The following NEXMIF variants were observed in gnomAD, a reference collection of about 807,000 sequenced individuals.
NEXMIF encodes the protein neurite extension and migration factor.
A neutral mutation model predicts 62.1 loss-of-function variants in NEXMIF; 8 were observed. The ratio of observed to expected loss-of-function variants is 0.13; its 90% confidence interval spans 0.08 to 0.23. NEXMIF has a LOEUF of 0.23. NEXMIF is among the 10% of genes least tolerant of loss of function. NEXMIF has a pLI of 1.00. For synonymous variants in NEXMIF, 404 were observed against 416.6 expected (o/e 0.97, Z 0.37); for missense variants, 976 against 1,113.3 (o/e 0.88, Z 1.75).
chrX:74,924,653 C>T (rs1268745783), intron 1 of NEXMIF, among the ~76,000 whole-genome samples: 2 of 113,781 alleles, frequency 1.8e-5, no homozygotes, highest in Non-Finnish European at 3.7e-5. Flanking sequence ...AGAGGCCTTT[C>T]CTAGATTGCA....
chrX:74,862,581 A>G (rs779579469), intron 1 of NEXMIF, among the ~76,000 whole-genome samples: 10 of 111,840 alleles, frequency 8.9e-5, no homozygotes, highest in African/African-American at 2.9e-4. Flanking sequence ...GATCACATAA[A>G]TGAAAGTAAA....
intron 1 of NEXMIF, among the ~76,000 whole-genome samples, chrX:74,819,343 T>C (rs1469108032): frequency 1.8e-5 from 2 of 111,560 alleles, no homozygotes; most frequent in African/African-American, 6.5e-5. Flanking sequence ...TGAGATCTAA[T>C]TAAACTTAAA....
At chrX:74,794,519 C>G (rs779709380) in intron 1 of NEXMIF, among the ~76,000 whole-genome samples, 9 of 112,076 alleles carry the variant, frequency 8.0e-5, no homozygotes, top group African/African-American at 2.6e-4. Flanking sequence ...TCGAGCTTCC[C>G]GGCTGCTTTG....
At chrX:74,750,869 A>G (rs2080139922) in intron 1 of NEXMIF, among the ~76,000 whole-genome samples, 1 of 111,745 alleles carries the variant, frequency 8.9e-6, no homozygotes, top group African/African-American at 3.3e-5. Context: ...TACACTGTAA[A>G]GAATTCTATA....
At chrX:74,923,234 C>G (rs1216188349) in intron 1 of NEXMIF, among the ~76,000 whole-genome samples, 1 of 111,866 alleles carries the variant, frequency 8.9e-6, no homozygotes, top group Non-Finnish European at 1.9e-5. Flanking sequence ...CACCACCACA[C>G]AGTAAATTTT....
chrX:74,899,342 A>C lies in NEXMIF; in HGVS notation c.-48+25541T>G, dbSNP rs182569912. 7.1e-3 allele frequency among the ~76,000 whole-genome samples: 787 copies of C among 111,142 alleles called. 2 individuals are homozygous for C. The highest frequency in any genetic ancestry group is 0.02 in the African/African-American group (606 of 30,651). The stretch of plus-strand genomic sequence containing the variant: ...TACAAAACCCTAAAGATCGTCCCCC[A>C]AAAAAAACTGTTAGAACTGATCAAT... On this transcript the variant is annotated intron_variant, in intron 1 of 3. Coordinates refer to ENST00000055682, the MANE Select transcript of NEXMIF (RefSeq NM_001008537.3).
rs138800016 is a variant in NEXMIF, at chrX:74,745,278, C to T, written c.79+294G>A. On this transcript the variant is annotated intron_variant, in intron 2 of 3. Coordinates refer to ENST00000055682, the MANE Select transcript of NEXMIF (RefSeq NM_001008537.3). ...GATTACAGGCATGAGCCACTGCGCCCGGCCACTCTAGAAGTTCTAAGCCTC... is the reference window on the plus strand; with the variant it reads ...GATTACAGGCATGAGCCACTGCGCCTGGCCACTCTAGAAGTTCTAAGCCTC... 3.7e-3 allele frequency among the ~76,000 whole-genome samples: 412 copies of T among 111,259 alleles called. 5 individuals carry two copies. The highest frequency in any genetic ancestry group is 0.013 in the African/African-American group (388 of 30,639).
At chrX:74,796,735 T>C (rs954170876) in intron 1 of NEXMIF, among the ~76,000 whole-genome samples, 2 of 111,247 alleles carry the variant, frequency 1.8e-5, no homozygotes, top group African/African-American at 6.5e-5. Flanking sequence ...TAAATAAATA[T>C]TAGCCCACAT....
rs1159281777 is a variant in NEXMIF at position 74,794,131 on chromosome X, T to C, written c.-47-48434A>G. Among the ~76,000 whole-genome samples, 6 of 108,104 alleles carry C rather than the reference T, an allele frequency of 5.6e-5. No individual in the cohort carries two copies. In the South Asian group the frequency reaches 2.1e-3, roughly 38 times the overall value. The allele number at this position is 108,104 out of a possible 115,157, so 93.9% of individuals were successfully genotyped here. A position where few individuals can be genotyped will look rare whatever the true frequency, so the allele number is the denominator to read the frequency against. On this transcript the variant is annotated intron_variant, in intron 1 of 3. Coordinates refer to ENST00000055682, the MANE Select transcript of NEXMIF (RefSeq NM_001008537.3). ...TTTATCTACTTTTGGTCTTTGATGA[T>C]GGTGATGTACAGATGGGTTTTTGGT...
chrX:74,806,495 T>C (rs1376406907), intron 1 of NEXMIF, among the ~76,000 whole-genome samples: 1 of 111,665 alleles, frequency 9.0e-6, no homozygotes, highest in African/African-American at 3.3e-5. Flanking sequence ...TCAATATTGG[T>C]TCCTTAATTG....
At chrX:74,806,227 G>A (rs1460744883) in intron 1 of NEXMIF, among the ~76,000 whole-genome samples, 1 of 110,479 alleles carries the variant, frequency 9.1e-6, no homozygotes, top group Non-Finnish European at 1.9e-5. Flanking sequence ...TATCTAAAAA[G>A]TTATTACCTG....
chrX:74,760,173 C>T (rs1306344306), intron 1 of NEXMIF, among the ~76,000 whole-genome samples: 1 of 111,191 alleles, frequency 9.0e-6, no homozygotes, highest in African/African-American at 3.3e-5. Context: ...GTTTGTGTTC[C>T]TGATTTGGCT....
chrX:74,924,682 C>T (rs1297465631), intron 1 of NEXMIF, among the ~76,000 whole-genome samples: 3 of 113,790 alleles, frequency 2.6e-5, no homozygotes, highest in Non-Finnish European at 5.6e-5. Context: ...CAGGGCGAGC[C>T]GGGATCTCTC....
At chrX:74,843,584 T>C (rs1433927263) in intron 1 of NEXMIF, among the ~76,000 whole-genome samples, 3 of 110,356 alleles carry the variant, frequency 2.7e-5, no homozygotes, top group African/African-American at 9.9e-5. Flanking sequence ...ACAGCTAATT[T>C]TTTGTATTTT....
chrX:74,735,087 G>C lies in NEXMIF; in HGVS notation c.*4318C>G, dbSNP rs370739005. ...ATAGGCTTAGTGAATTTTATGATTA[G>C]AAAACAAACCAACCTCACATTAGTT... is the stretch of plus-strand genomic sequence containing the variant. On this transcript the variant is annotated 3_prime_UTR_variant, in exon 4 of 4. Transcript: ENST00000055682. 1 of 111,577 alleles carries C rather than the reference G, an allele frequency of 9.0e-6. No individual in the cohort carries two copies. Among genetic ancestry groups the C allele is most frequent in the East Asian group, 2.8e-4 (1 of 3,579 alleles). The allele number at this position is 111,577 out of a possible 1,213,427, so 9.2% of individuals were successfully genotyped here.
At chrX:74,807,332 G>A (rs2080347948) in intron 1 of NEXMIF, among the ~76,000 whole-genome samples, 1 of 110,383 alleles carries the variant, frequency 9.1e-6, no homozygotes, top group Non-Finnish European at 1.9e-5. Flanking sequence ...CTTTTGTTTT[G>A]GTTTTGAGGG....
At chrX:74,813,522 C>T (rs1020185053) in intron 1 of NEXMIF, among the ~76,000 whole-genome samples, 3 of 111,940 alleles carry the variant, frequency 2.7e-5, no homozygotes, top group African/African-American at 9.7e-5. Flanking sequence ...AAAGTTGAAA[C>T]CAGTGTTCTC....
At position 74,853,857 on chromosome X, in the gene NEXMIF, CA is replaced by C. The variant is rs746304251; in HGVS notation, c.-48+71025del. 6.0e-3 allele frequency among the ~76,000 whole-genome samples: 663 copies of C among 111,399 alleles called. 5 individuals are homozygous for C. The highest frequency in any genetic ancestry group is 0.021 in the African/African-American group (644 of 30,620). The stretch of plus-strand genomic sequence containing the variant: ...GAGGAAAAAAATAAATTCCTGGACC[CA>C]TACAACTTACCAAGATTGAATCAGG... On this transcript the variant is annotated intron_variant, in intron 1 of 3. Transcript: ENST00000055682.
chrX:74,814,086 T>C (rs1368480002), intron 1 of NEXMIF, among the ~76,000 whole-genome samples: 1 of 111,766 alleles, frequency 8.9e-6, no homozygotes, highest in African/African-American at 3.2e-5. Context: ...ACAGGTTACC[T>C]GTTCTCACTC....
Sources: allele counts gnomAD v4.1 joint callset (sites outside exome capture counted in the v4.1 genomes callset), GRCh38; gene constraint gnomAD v4.1.1; transcripts MANE v1.5; gene names NCBI Gene and HGNC (gene_info 2026-07-23, HGNC 2026-07-21).